KHDRBS2: variants seen among roughly 807,000 people sequenced by gnomAD.
The protein encoded by KHDRBS2 is KH RNA binding domain containing, signal transduction associated 2.
Under a neutral mutation model 44.3 loss-of-function variants are expected in KHDRBS2, and 26 were observed. The observed-to-expected ratio is 0.59, with a 90% CI of 0.43 to 0.81. The LOEUF (loss-of-function observed/expected upper bound fraction) is 0.81, where lower values mean the gene tolerates loss of function less well. KHDRBS2 is among the 40% of genes least tolerant of loss of function. The pLI, the probability that KHDRBS2 is intolerant of heterozygous loss-of-function variation, is 0.00. For synonymous variants in KHDRBS2, 194 were observed against 151.1 expected (o/e 1.28, Z -2.08); for missense variants, 476 against 433.1 (o/e 1.10, Z -0.88).
the KHDRBS2 span, among the ~76,000 whole-genome samples, chr6:61,606,406 C>T: frequency 6.6e-6 from 1 of 152,170 alleles, no homozygotes; most frequent in Admixed American, 6.5e-5. Context: ...GAAATCTTCC[C>T]TTTTGCCCTT....
intron 6 of KHDRBS2, among the ~76,000 whole-genome samples, chr6:61,824,595 T>G (rs1419951953): frequency 6.6e-6 from 1 of 152,144 alleles, no homozygotes; most frequent in Non-Finnish European, 1.5e-5. Flanking sequence ...TGCAGGATTC[T>G]ACTTTGCCCT....
intron 7 of KHDRBS2, among the ~76,000 whole-genome samples, chr6:61,728,925 T>C (rs955750083): frequency 2.5e-4 from 38 of 152,154 alleles, no homozygotes; most frequent in African/African-American, 8.9e-4. Flanking sequence ...GTAATGATTC[T>C]TCAAAGACCT....
chr6:61,755,599 C>T (rs1227243327), intron 6 of KHDRBS2, among the ~76,000 whole-genome samples: 1 of 151,850 alleles, frequency 6.6e-6, no homozygotes, highest in Non-Finnish European at 1.5e-5. Flanking sequence ...GTCATGGGGT[C>T]AGGAGTTCGA....
intron 6 of KHDRBS2, among the ~76,000 whole-genome samples, chr6:61,850,162 A>G (rs1375894813): frequency 6.6e-6 from 1 of 151,960 alleles, no homozygotes; most frequent in Admixed American, 6.6e-5. Context: ...GAGATTTCAA[A>G]TCTCTATTTT....
intron 3 of KHDRBS2, among the ~76,000 whole-genome samples, chr6:62,034,360 G>T (rs866139875): frequency 6.6e-6 from 1 of 151,650 alleles, no homozygotes; most frequent in Non-Finnish European, 1.5e-5. Flanking sequence ...AACCAAAGAT[G>T]CACCAAAAGA....
chr6:61,872,349 G>A (rs1443509775), intron 6 of KHDRBS2, among the ~76,000 whole-genome samples: 2 of 151,952 alleles, frequency 1.3e-5, no homozygotes, highest in Admixed American at 1.3e-4. Flanking sequence ...AGAATCTTCG[G>A]ATCATTAGAA....
the KHDRBS2 span, among the ~76,000 whole-genome samples, chr6:61,601,307 C>T: frequency 3.3e-5 from 5 of 151,990 alleles, no homozygotes; most frequent in Admixed American, 2.0e-4. Flanking sequence ...CTGGACTTGC[C>T]TCCTTCACTG....
At chr6:62,229,731 T>C (rs759151858) in intron 1 of KHDRBS2, among the ~76,000 whole-genome samples, 36 of 152,094 alleles carry the variant, frequency 2.4e-4, no homozygotes, top group Non-Finnish European at 3.7e-4. Context: ...CAATCTCACT[T>C]GGCTGGGGGG....
At chr6:61,857,975 CAT>C (rs1461671162) in intron 6 of KHDRBS2, among the ~76,000 whole-genome samples, 6 of 151,806 alleles carry the variant, frequency 4.0e-5, no homozygotes, top group East Asian at 1.9e-4. Flanking sequence ...TTATATAACA[CAT>C]ATGTTATATT....
At position 61,780,535 on chromosome 6, in the gene KHDRBS2, A is replaced by C. The variant is rs577118449; in HGVS notation, c.811-47771T>G. 9.6e-5 allele frequency among the ~76,000 whole-genome samples: 14 copies of C among 145,958 alleles called. No individual in the cohort carries two copies. The East Asian group carries it at 2.4e-3, about 25-fold the overall frequency. ...TATAATATAATAAAATAAGCAAAAC[A>C]AACAGCAAAAAACACTTGCTGGTTA... On this transcript the variant is annotated intron_variant, in intron 6 of 8. Coordinates refer to ENST00000281156, the MANE Select transcript of KHDRBS2 (RefSeq NM_152688.4).
chr6:61,718,937 A>C (rs1409536874), intron 7 of KHDRBS2, among the ~76,000 whole-genome samples: 1 of 152,130 alleles, frequency 6.6e-6, no homozygotes, highest in African/African-American at 2.4e-5. Context: ...ACAAATATTC[A>C]AAAAAGGTTT....
At chr6:62,270,440 T>G (rs979145265) in intron 1 of KHDRBS2, among the ~76,000 whole-genome samples, 11 of 151,178 alleles carry the variant, frequency 7.3e-5, no homozygotes, top group African/African-American at 2.2e-4. Context: ...GCTGGTATTA[T>G]GCTTCCTGTG....
At chr6:62,173,871 G>A (rs567731745) in intron 2 of KHDRBS2, among the ~76,000 whole-genome samples, 11 of 151,956 alleles carry the variant, frequency 7.2e-5, no homozygotes, top group Admixed American at 3.9e-4. Context: ...ATCCCTTCAT[G>A]TTAAAAACCC....
At chr6:61,759,079 T>G (rs1214879621) in intron 6 of KHDRBS2, among the ~76,000 whole-genome samples, 1 of 152,172 alleles carries the variant, frequency 6.6e-6, no homozygotes, top group Non-Finnish European at 1.5e-5. Flanking sequence ...ATTTTACATA[T>G]AAAATGTTTG....
chr6:61,588,303 G>C, the KHDRBS2 span, among the ~76,000 whole-genome samples: 1 of 152,140 alleles, frequency 6.6e-6, no homozygotes, highest in African/African-American at 2.4e-5. Flanking sequence ...CATTGCAGCT[G>C]CTGCTGTCTG....
chr6:61,643,184 TA>T, the KHDRBS2 span, among the ~76,000 whole-genome samples: 18 of 152,264 alleles, frequency 1.2e-4, no homozygotes, highest in South Asian at 3.7e-3. Flanking sequence ...ATTCTGTATA[TA>T]AAAGTTTCAA....
At chr6:61,662,600 G>C in the KHDRBS2 span, among the ~76,000 whole-genome samples, 1 of 152,072 alleles carries the variant, frequency 6.6e-6, no homozygotes, top group Non-Finnish European at 1.5e-5. Context: ...GATATGAACA[G>C]ACACTTCTCA....
chr6:61,564,990 A>G, the KHDRBS2 span, among the ~76,000 whole-genome samples: 1 of 151,940 alleles, frequency 6.6e-6, no homozygotes, highest in Non-Finnish European at 1.5e-5. Context: ...ACACATTTAC[A>G]GTCAAACCCA....
chr6:61,738,185 C>T (rs1163338054), intron 6 of KHDRBS2, among the ~76,000 whole-genome samples: 3 of 151,708 alleles, frequency 2.0e-5, no homozygotes, highest in Non-Finnish European at 4.4e-5. Context: ...GTTATCAGTC[C>T]CAACGCAGAA....
Sources: allele counts gnomAD v4.1 joint callset (sites outside exome capture counted in the v4.1 genomes callset), GRCh38; gene constraint gnomAD v4.1.1; transcripts MANE v1.5; gene names NCBI Gene and HGNC (gene_info 2026-07-23, HGNC 2026-07-21).